Variants in MRTFB observed in about 807,000 individuals in gnomAD.
MRTFB encodes myocardin-related transcription factor B.
Under a neutral mutation model 104.2 loss-of-function variants are expected in MRTFB, and 29 were observed. The ratio of observed to expected loss-of-function variants is 0.28; its 90% CI spans 0.21 to 0.38. The LOEUF (loss-of-function observed/expected upper bound fraction) is 0.38. MRTFB is among the 10% of genes least tolerant of loss of function. MRTFB has a pLI of 1.00. For synonymous variants in MRTFB, 535 were observed against 519.5 expected (o/e 1.03, Z -0.41); for missense variants, 1,270 against 1,341.6 (o/e 0.95, Z 0.83).
At chr16:14,218,031 C>A (rs1349233631) in intron 7 of MRTFB, among the ~76,000 whole-genome samples, 1 of 152,114 alleles carries the variant, frequency 6.6e-6, no homozygotes, top group Non-Finnish European at 1.5e-5. Flanking sequence ...GTCATGGCCC[C>A]ATTTTCCTCC....
chr16:14,035,338 C>T, the MRTFB span, among the ~76,000 whole-genome samples: 1 of 152,178 alleles, frequency 6.6e-6, no homozygotes, highest in South Asian at 2.1e-4. Context: ...CCCAAATCTG[C>T]TTTTATTCCA....
intron 3 of MRTFB, among the ~76,000 whole-genome samples, chr16:14,191,016 A>G (rs1313246877): frequency 4.6e-5 from 7 of 152,226 alleles, no homozygotes; most frequent in Non-Finnish European, 1.0e-4. Flanking sequence ...GAAAATGAAC[A>G]TTTGTCTGAA....
chr16:14,098,392 T>G lies in MRTFB; in HGVS notation c.-64+19038T>G, dbSNP rs562517862. On this transcript the variant is annotated intron_variant, in intron 2 of 16. Coordinates refer to ENST00000571589, the MANE Select transcript of MRTFB (RefSeq NM_001308142.2). ...AATAGTTGGTAAAGTATCAAATCTT[T>G]TATATGTTTATTGGGTTGTTTGTTT... Among the ~76,000 whole-genome samples, 8 of 152,308 alleles carry G rather than the reference T, an allele frequency of 5.3e-5. No individual in the cohort carries two copies. In the South Asian group the frequency reaches 1.7e-3, roughly 32 times the overall value.
chr16:14,014,250 A>T, the MRTFB span, among the ~76,000 whole-genome samples: 1 of 152,232 alleles, frequency 6.6e-6, no homozygotes, highest in African/African-American at 2.4e-5. Context: ...TCCTGATAAT[A>T]TCAAGAGTCT....
intron 3 of MRTFB, among the ~76,000 whole-genome samples, chr16:14,209,305 T>C (rs2041087108): frequency 6.6e-6 from 1 of 152,220 alleles, no homozygotes; most frequent in South Asian, 2.1e-4. Context: ...TTTTTAAGCA[T>C]ATTGACAACC....
At chr16:14,216,055 T>C (rs1374976020) in intron 6 of MRTFB, among the ~76,000 whole-genome samples, 2 of 152,274 alleles carry the variant, frequency 1.3e-5, no homozygotes, top group Non-Finnish European at 2.9e-5. Flanking sequence ...AAATTATGTA[T>C]TCGCAATAGC....
the MRTFB span, among the ~76,000 whole-genome samples, chr16:14,002,860 A>T: frequency 2.0e-5 from 3 of 152,198 alleles, no homozygotes; most frequent in East Asian, 5.8e-4. Flanking sequence ...AATCAAATTA[A>T]GAAAGAAAAG....
intron 10 of MRTFB, among the ~76,000 whole-genome samples, chr16:14,244,339 C>T (rs903268789): frequency 1.3e-5 from 2 of 152,054 alleles, no homozygotes; most frequent in Admixed American, 1.3e-4. Flanking sequence ...TAGGAATAAC[C>T]CCACAGTAAA....
the MRTFB span, among the ~76,000 whole-genome samples, chr16:14,017,623 A>G: frequency 5.2e-4 from 31 of 59,922 alleles, 1 homozygote; most frequent in South Asian, 1.7e-3. Flanking sequence ...ATATATATAT[A>G]TATATATATA....
At chr16:14,248,732 T>TG (rs2043128248) in intron 12 of MRTFB, 194 bp from the exon 13 acceptor site, 3 of 535,596 alleles carry the variant, frequency 5.6e-6, no homozygotes, top group Non-Finnish European at 9.7e-6. Context: ...ATGCAGTGAC[T>TG]GGTCTGATGT....
At chr16:14,138,312 A>C (rs1460633702) in intron 2 of MRTFB, among the ~76,000 whole-genome samples, 1 of 152,120 alleles carries the variant, frequency 6.6e-6, no homozygotes, top group African/African-American at 2.4e-5. Context: ...TTTTATCTAC[A>C]TGTTTACTAT....
chr16:14,059,997 A>ATTTTTTTTT, the MRTFB span, among the ~76,000 whole-genome samples: 2 of 99,720 alleles, frequency 2.0e-5, no homozygotes, highest in African/African-American at 1.0e-4. Flanking sequence ...GAGACATGTA[A>ATTTTTTTTT]TTTTTTTTTT....
At chr16:14,235,453 A>G (rs1412426731) in intron 9 of MRTFB, among the ~76,000 whole-genome samples, 1 of 152,128 alleles carries the variant, frequency 6.6e-6, no homozygotes, top group East Asian at 1.9e-4. Context: ...TTCCCTGCCG[A>G]TCCTCAAACG....
At position 14,264,888 on chromosome 16, in the gene MRTFB, A is replaced by G. The variant is rs1432886601; in HGVS notation, c.*3444A>G. 6.6e-6 allele frequency: 1 copy of G among 152,272 alleles called. No individual in the cohort carries two copies. Among genetic ancestry groups the G allele is most frequent in the Admixed American group, 6.5e-5 (1 of 15,286 alleles). The allele number at this position is 152,272 out of a possible 1,614,324, so 9.4% of individuals were successfully genotyped here. On this transcript the variant is annotated 3_prime_UTR_variant, in exon 17 of 17. Transcript: ENST00000571589. The stretch of plus-strand genomic sequence containing the variant: ...CCCTCAACCCCAGATCATTCCAGGC[A>G]GCATAGCTTTCTTCACAGTCCTTTC...
At chr16:14,150,496 C>T (rs139045235) in intron 3 of MRTFB, among the ~76,000 whole-genome samples, 3 of 152,058 alleles carry the variant, frequency 2.0e-5, no homozygotes, top group African/African-American at 4.8e-5. Context: ...ATGTTATATG[C>T]GTTATGTACT....
intron 2 of MRTFB, among the ~76,000 whole-genome samples, chr16:14,118,908 T>C (rs1425763963): frequency 6.6e-6 from 1 of 151,536 alleles, no homozygotes; most frequent in African/African-American, 2.4e-5. Context: ...TTTAGCCATG[T>C]AGATGTGTAT....
intron 3 of MRTFB, among the ~76,000 whole-genome samples, chr16:14,198,315 C>G (rs575793864): frequency 1.3e-5 from 2 of 152,146 alleles, no homozygotes; most frequent in African/African-American, 4.8e-5. Flanking sequence ...TGTTTGAGTA[C>G]TTGTTTCCAA....
chr16:14,000,335 A>G, the MRTFB span, among the ~76,000 whole-genome samples: 1 of 152,168 alleles, frequency 6.6e-6, no homozygotes, highest in African/African-American at 2.4e-5. Context: ...ATCTGTCTAC[A>G]CCTGCTCTTT....
intron 3 of MRTFB, among the ~76,000 whole-genome samples, chr16:14,196,199 A>G (rs2040422857): frequency 6.6e-6 from 1 of 152,262 alleles, no homozygotes; most frequent in African/African-American, 2.4e-5. Flanking sequence ...CAACAGAAGC[A>G]GCAGCCAGCC....
Sources: allele counts gnomAD v4.1 joint callset (sites outside exome capture counted in the v4.1 genomes callset), GRCh38; gene constraint gnomAD v4.1.1; transcripts MANE v1.5; gene names NCBI Gene and HGNC (gene_info 2026-07-23, HGNC 2026-07-21).